Variants in MTRF1 observed in about 807,000 individuals in gnomAD.
MTRF1 encodes the protein mitochondrial translation release factor 1, also known as peptide chain release factor 1, mitochondrial.
In MTRF1, 51 loss-of-function variants were observed where a neutral mutation model predicts 62.9. The ratio of observed to expected loss-of-function variants is 0.81; its 90% CI spans 0.65 to 1.02. The LOEUF is 1.02. Among genes scored for constraint, MTRF1 ranks in the 50% least tolerant of loss-of-function variants. The pLI is 0.00. For missense variants in MTRF1, 446 were observed against 530.0 expected (o/e 0.84, Z 1.56); for synonymous variants, 158 against 181.9 (o/e 0.87, Z 1.06).
chr13:41,302,785 A>C, the MTRF1 span, among the ~76,000 whole-genome samples: 2 of 152,122 alleles, frequency 1.3e-5, no homozygotes, highest in Non-Finnish European at 2.9e-5. Context: ...TTTGGCCTCC[A>C]AAGTTTTGGG....
At chr13:41,249,054 C>G (rs1046788921) in intron 5 of MTRF1, among the ~76,000 whole-genome samples, 1 of 151,812 alleles carries the variant, frequency 6.6e-6, no homozygotes, top group African/African-American at 2.4e-5. Flanking sequence ...GAAACTGTTT[C>G]TTTTCAACTT....
the MTRF1 span, among the ~76,000 whole-genome samples, chr13:41,276,002 T>C: frequency 6.6e-6 from 1 of 152,218 alleles, no homozygotes; most frequent in Non-Finnish European, 1.5e-5. Context: ...AATAATCATT[T>C]GCATTATTAT....
chr13:41,237,848 C>T (rs1182671205), intron 6 of MTRF1, among the ~76,000 whole-genome samples: 1 of 152,116 alleles, frequency 6.6e-6, no homozygotes, highest in African/African-American at 2.4e-5. Context: ...AAATCTTAAA[C>T]ATTACTCAGT....
At chr13:41,295,333 G>T in the MTRF1 span, among the ~76,000 whole-genome samples, 1 of 151,986 alleles carries the variant, frequency 6.6e-6, no homozygotes, top group East Asian at 1.9e-4. Context: ...CATCCATGTT[G>T]TTACTAAGAG....
chr13:41,300,117 G>A, the MTRF1 span, among the ~76,000 whole-genome samples: 1 of 152,186 alleles, frequency 6.6e-6, no homozygotes, highest in Admixed American at 6.6e-5. Context: ...GTCTGCTTTA[G>A]GTCCCGTTTG....
chr13:41,299,630 T>C, the MTRF1 span, among the ~76,000 whole-genome samples: 1 of 152,178 alleles, frequency 6.6e-6, no homozygotes, highest in Non-Finnish European at 1.5e-5. Flanking sequence ...GACTTTCCTT[T>C]TGAATGGCCA....
At chr13:41,265,322 G>A (rs565127462), upstream of MTRF1, among the ~76,000 whole-genome samples, 13 of 151,896 alleles carry the variant, frequency 8.6e-5, no homozygotes, top group East Asian at 2.5e-3. Context: ...CTCGGAGGCT[G>A]AGGCAGGAGA....
intron 6 of MTRF1, chr13:41,235,011 C>T (rs1316676343): frequency 6.6e-6 from 1 of 152,086 alleles, no homozygotes; most frequent in Non-Finnish European, 1.5e-5. Context: ...GAGAATCTAC[C>T]AGGATGGGTT....
At chr13:41,261,198 G>C (rs1390800751) in intron 1 of MTRF1, 1 of 230,416 alleles carries the variant, frequency 4.3e-6, no homozygotes, top group East Asian at 9.1e-5. Context: ...TCCGGGCGTG[G>C]TGGCAGGCGC....
rs1177966277 is a variant in MTRF1 at position 41,244,377 on chromosome 13, C to T, written c.698-3944G>A. On this transcript the variant is annotated intron_variant, in intron 5 of 9. Coordinates refer to ENST00000379480, the MANE Select transcript of MTRF1 (RefSeq NM_004294.4). ...TTGTAAGTCCAAACATTTTATTAGC[C>T]TATGTCTTAGTGTTGGTCGTTCTAG... Among the ~76,000 whole-genome samples the T allele has an allele frequency of 9.2e-5, 14 of 152,210 alleles. No homozygotes were observed. In the South Asian group the frequency reaches 2.5e-3, roughly 27 times the overall value.
chr13:41,236,825 T>C (rs1259765438), intron 6 of MTRF1: 1 of 152,182 alleles, frequency 6.6e-6, no homozygotes, highest in Non-Finnish European at 1.5e-5. Context: ...ACAGAAATGG[T>C]GACTTAGGGC....
chr13:41,218,139 T>C (rs539763994), intron 9 of MTRF1, among the ~76,000 whole-genome samples: 15 of 152,154 alleles, frequency 9.9e-5, no homozygotes, highest in African/African-American at 3.4e-4. Flanking sequence ...TTTTTGAGAC[T>C]GGCTCTTGCT....
At chr13:41,263,184 G>A (rs1168611106) in intron 1 of MTRF1, 3 of 978,940 alleles carry the variant, frequency 3.1e-6, no homozygotes, top group African/African-American at 1.7e-5. Context: ...TTTAGGAACA[G>A]TAGTAGAATG....
chr13:41,260,533 C>A lies in MTRF1; in HGVS notation c.375G>T (p.Glu125Asp). 1 of 1,613,818 alleles carries A rather than the reference C, an allele frequency of 6.2e-7. No individual in the cohort carries two copies. The highest frequency in any genetic ancestry group is 1.1e-5 in the South Asian group (1 of 91,062). The part of the protein sequence containing the change: ...PLAAIYQEIQ[E>D]TEQAIEELES... ...CTAATTCTTCAATTGCTTGTTCAGTCTCCTGAATTTCTTGGTAAATGGCTG... is the reference window on the plus strand; with the variant it reads ...CTAATTCTTCAATTGCTTGTTCAGTATCCTGAATTTCTTGGTAAATGGCTG... Residue 125 changes from glutamate (E) to aspartate (D), a missense_variant, in exon 2 of 10, where the codon GAG becomes GAT. Coordinates refer to ENST00000379480, the MANE Select transcript of MTRF1 (RefSeq NM_004294.4).
At chr13:41,265,088 A>G (rs941617274), upstream of MTRF1, among the ~76,000 whole-genome samples, 13 of 152,220 alleles carry the variant, frequency 8.5e-5, no homozygotes, top group Admixed American at 3.3e-4. Context: ...GCTTTCAGCT[A>G]TATAACTTGA....
intron 6 of MTRF1, chr13:41,236,052 C>G (rs2036491278): frequency 6.6e-6 from 1 of 151,238 alleles, no homozygotes; most frequent in South Asian, 2.1e-4. Context: ...GACACACACA[C>G]ACAGACACAC....
the MTRF1 span, among the ~76,000 whole-genome samples, chr13:41,305,850 C>G: frequency 6.6e-6 from 1 of 152,210 alleles, no homozygotes; most frequent in South Asian, 2.1e-4. Flanking sequence ...AATGACCTTG[C>G]TTTGTGTCCC....
chr13:41,226,831 G>A (rs1427729876), intron 7 of MTRF1, among the ~76,000 whole-genome samples: 2 of 152,206 alleles, frequency 1.3e-5, no homozygotes, highest in Admixed American at 6.5e-5. Flanking sequence ...TTCAGTCCCC[G>A]AGCTTGGCCT....
chr13:41,307,813 T>G, the MTRF1 span, among the ~76,000 whole-genome samples: 1 of 152,176 alleles, frequency 6.6e-6, no homozygotes, highest in Non-Finnish European at 1.5e-5. Flanking sequence ...CAGTCTCAGG[T>G]AATTTTTTAT....
Sources: gnomAD v4.1 joint callset for allele counts (sites outside exome capture counted in the v4.1 genomes callset) on GRCh38, gnomAD v4.1.1 for gene constraint, MANE v1.5 for transcripts, NCBI Gene and HGNC (gene_info 2026-07-23, HGNC 2026-07-21) for gene names.